PDE10A: variants seen among roughly 807,000 people sequenced by gnomAD.
The protein encoded by PDE10A is phosphodiesterase 10A.
A neutral mutation model predicts 97.7 loss-of-function variants in PDE10A; 39 were observed. The observed-to-expected ratio is 0.40, with a 90% CI of 0.31 to 0.52. The LOEUF (loss-of-function observed/expected upper bound fraction) is 0.52. Ranked by LOEUF, PDE10A falls within the 20% of genes least tolerant of loss-of-function variation. PDE10A has a pLI of 0.56. For synonymous variants in PDE10A, 371 were observed against 376.8 expected (o/e 0.98, Z 0.18); for missense variants, 731 against 1,047.8 (o/e 0.70, Z 4.17).
At chr6:165,672,053 A>G (rs1297802836) in intron 1 of PDE10A, among the ~76,000 whole-genome samples, 1 of 152,212 alleles carries the variant, frequency 6.6e-6, no homozygotes, top group Non-Finnish European at 1.5e-5. Flanking sequence ...TCTCATATAA[A>G]CAAGTTTTCA....
intron 1 of PDE10A, among the ~76,000 whole-genome samples, chr6:165,575,499 C>T (rs551085435): frequency 6.6e-6 from 1 of 152,266 alleles, no homozygotes; most frequent in South Asian, 2.1e-4. Flanking sequence ...GTTCTTGATT[C>T]CTTCTTTTCC....
At chr6:165,612,840 A>G (rs1787561748) in intron 1 of PDE10A, among the ~76,000 whole-genome samples, 1 of 152,218 alleles carries the variant, frequency 6.6e-6, no homozygotes, top group African/African-American at 2.4e-5. Context: ...CTATAAACCT[A>G]TCAACACACC....
chr6:165,915,608 C>A (rs1782584702), intron 1 of PDE10A, among the ~76,000 whole-genome samples: 1 of 152,146 alleles, frequency 6.6e-6, no homozygotes, highest in Non-Finnish European at 1.5e-5. Context: ...CTCTCTGTTT[C>A]CAGTGATGAG....
intron 18 of PDE10A, among the ~76,000 whole-genome samples, chr6:165,376,313 G>A (rs1784599928): frequency 6.6e-6 from 1 of 152,178 alleles, no homozygotes; most frequent in Non-Finnish European, 1.5e-5. Context: ...GATGACTGAT[G>A]CAATCATGAT....
At chr6:165,387,773 G>A (rs1785408938) in intron 17 of PDE10A, among the ~76,000 whole-genome samples, 1 of 152,174 alleles carries the variant, frequency 6.6e-6, no homozygotes, top group African/African-American at 2.4e-5. Flanking sequence ...GATAAGATGA[G>A]TTTGAGAAAA....
At position 165,343,357 on chromosome 6, in the gene PDE10A, A is replaced by G. The variant is rs1192594205; in HGVS notation, c.2895+34T>C. ...TGATCCATACGTTTTATTTCTCCTC[A>G]CTATCTATGTCAATATAAGAATCAA... is the stretch of plus-strand genomic sequence containing the variant. On this transcript the variant is annotated intron_variant, in intron 19 of 21. Coordinates refer to ENST00000539869, the MANE Select transcript of PDE10A (RefSeq NM_001385079.1). The G allele has an allele frequency of 2.8e-5, 38 of 1,350,864 alleles. No homozygotes were observed. In the East Asian group the frequency reaches 8.0e-4, roughly 28 times the overall value. The allele number at this position is 1,350,864 out of a possible 1,614,324, so 83.7% of individuals were successfully genotyped here.
chr6:165,542,776 G>A (rs1328367616), intron 2 of PDE10A, among the ~76,000 whole-genome samples: 5 of 151,674 alleles, frequency 3.3e-5, no homozygotes, highest in Admixed American at 1.3e-4. Context: ...CCACCACCAT[G>A]CCCGGCTAAT....
At chr6:165,707,955 G>C (rs757561824) in intron 1 of PDE10A, among the ~76,000 whole-genome samples, 1 of 152,094 alleles carries the variant, frequency 6.6e-6, no homozygotes, top group Non-Finnish European at 1.5e-5. Context: ...TTAGACTATC[G>C]CCATGTGCGT....
chr6:165,690,920 G>T (rs998506692), intron 1 of PDE10A, among the ~76,000 whole-genome samples: 3 of 152,058 alleles, frequency 2.0e-5, no homozygotes, highest in African/African-American at 7.2e-5. Flanking sequence ...CCCTGGTGGG[G>T]GCCACTGCTC....
At chr6:165,584,491 A>G (rs751415658) in intron 1 of PDE10A, among the ~76,000 whole-genome samples, 19 of 152,122 alleles carry the variant, frequency 1.2e-4, no homozygotes, top group Non-Finnish European at 2.1e-4. Flanking sequence ...ATCTGAGCTG[A>G]TCCACCTGAC....
intron 1 of PDE10A, among the ~76,000 whole-genome samples, chr6:165,722,542 A>C (rs1792191038): frequency 6.6e-6 from 1 of 152,172 alleles, no homozygotes; most frequent in Non-Finnish European, 1.5e-5. Context: ...AACAACAATA[A>C]CTCATAATAA....
chr6:165,403,733 G>A (rs183418021), intron 13 of PDE10A, among the ~76,000 whole-genome samples: 13 of 152,132 alleles, frequency 8.5e-5, no homozygotes, highest in Admixed American at 4.6e-4. Flanking sequence ...ATACATACGG[G>A]GAACACTGAA....
chr6:165,595,756 T>G (rs1786549090), intron 1 of PDE10A, among the ~76,000 whole-genome samples: 1 of 152,214 alleles, frequency 6.6e-6, no homozygotes, highest in African/African-American at 2.4e-5. Context: ...GAAGGCCCCT[T>G]CTTCATAGAT....
chr6:165,826,788 C>T (rs1362757288), intron 1 of PDE10A, among the ~76,000 whole-genome samples: 2 of 141,090 alleles, frequency 1.4e-5, no homozygotes, highest in Non-Finnish European at 3.1e-5. Flanking sequence ...AGGGGGGACG[C>T]ACAGGGGGAG....
intron 1 of PDE10A, among the ~76,000 whole-genome samples, chr6:165,928,644 T>C (rs894389404): frequency 4.3e-4 from 65 of 152,318 alleles, no homozygotes; most frequent in African/African-American, 1.5e-3. Flanking sequence ...GGCAAAGCTG[T>C]CTTCATATTT....
chr6:165,922,684 GTAA>G (rs963741736), intron 1 of PDE10A, among the ~76,000 whole-genome samples: 3 of 152,062 alleles, frequency 2.0e-5, no homozygotes, highest in Non-Finnish European at 4.4e-5. Context: ...TTAACCTTAA[GTAA>G]CCCAGACCAC....
chr6:165,532,017 CA>C (rs1562554947), intron 2 of PDE10A, among the ~76,000 whole-genome samples: 1 of 152,052 alleles, frequency 6.6e-6, no homozygotes, highest in Non-Finnish European at 1.5e-5. Flanking sequence ...TTTAAAAACC[CA>C]AAAACTTTTT....
At chr6:165,923,921 C>T (rs1014010588) in intron 1 of PDE10A, among the ~76,000 whole-genome samples, 6 of 152,184 alleles carry the variant, frequency 3.9e-5, no homozygotes, top group African/African-American at 1.2e-4. Flanking sequence ...CAGCTTTTGC[C>T]TGTAATCCCA....
At chr6:165,837,563 G>A (rs1408854027) in intron 1 of PDE10A, among the ~76,000 whole-genome samples, 1 of 151,538 alleles carries the variant, frequency 6.6e-6, no homozygotes, top group African/African-American at 2.4e-5. Context: ...TAGAAAAAAT[G>A]GATTCATCTA....
Sources: allele counts gnomAD v4.1 joint callset (sites outside exome capture counted in the v4.1 genomes callset), GRCh38; gene constraint gnomAD v4.1.1; transcripts MANE v1.5; gene names NCBI Gene and HGNC (gene_info 2026-07-23, HGNC 2026-07-21).